The following WDR35 variants were observed in gnomAD, a reference collection of about 807,000 sequenced individuals.
The protein encoded by WDR35 is WD repeat domain 35.
Under a neutral mutation model 158.3 loss-of-function variants are expected in WDR35, and 118 were observed. That is an observed-to-expected ratio of 0.75 (90% CI 0.64 to 0.87). The LOEUF (loss-of-function observed/expected upper bound fraction) is 0.87, where lower values mean the gene tolerates loss of function less well. Ranked by LOEUF, WDR35 falls within the 40% of genes least tolerant of loss-of-function variation. The pLI is 0.00. For missense variants in WDR35, 1,263 were observed against 1,405.8 expected (o/e 0.90, Z 1.62); for synonymous variants, 448 against 476.1 (o/e 0.94, Z 0.77).
intron 14 of WDR35, 95 bp downstream of exon 14, chr2:19,948,069 C>T (rs1671111763): frequency 1.0e-6 from 1 of 982,156 alleles, no homozygotes; most frequent in African/African-American, 1.6e-5. Flanking sequence ...TCCCAAGTAA[C>T]TGTGATTACA....
chr2:19,949,253 A>T (rs1227650001), intron 13 of WDR35, among the ~76,000 whole-genome samples: 1 of 152,240 alleles, frequency 6.6e-6, no homozygotes, highest in African/African-American at 2.4e-5. Context: ...CACAGCTGGT[A>T]TCTGAGGAAT....
intron 8 of WDR35, among the ~76,000 whole-genome samples, chr2:19,972,746 G>A (rs1672070319): frequency 1.3e-5 from 2 of 151,794 alleles, no homozygotes; most frequent in South Asian, 2.1e-4. Flanking sequence ...AAAACAACTG[G>A]TATAGGCTTT....
chr2:19,938,089 T>G (rs559534197), intron 18 of WDR35, 143 bp from the exon 19 acceptor site: 2 of 1,373,596 alleles, frequency 1.5e-6, no homozygotes, highest in Non-Finnish European at 2.0e-6. Flanking sequence ...ATTTTTCAAA[T>G]AATTTTCTGC....
At chr2:19,962,153 A>G (rs1671684878) in intron 10 of WDR35, 1 of 830,394 alleles carries the variant, frequency 1.2e-6, no homozygotes, top group Non-Finnish European at 1.8e-6. Context: ...TAAAGTTTCT[A>G]TTTTTATTTT....
chr2:19,971,944 T>G (rs1347410509), intron 8 of WDR35, among the ~76,000 whole-genome samples: 3 of 152,188 alleles, frequency 2.0e-5, no homozygotes, highest in African/African-American at 7.2e-5. Flanking sequence ...TGAAAATAAC[T>G]AAACTGTGTC....
At chr2:19,932,522 C>CTTT in intron 22 of WDR35, 75 bp from the exon 23 acceptor site, 1 of 1,581,358 alleles carries the variant, frequency 6.3e-7, no homozygotes, top group Non-Finnish European at 8.6e-7. Flanking sequence ...CACAAGAAAG[C>CTTT]TTTAAGTTTA....
At chr2:19,985,145 C>A (rs1477416332) in intron 2 of WDR35, among the ~76,000 whole-genome samples, 1 of 152,218 alleles carries the variant, frequency 6.6e-6, no homozygotes, top group Non-Finnish European at 1.5e-5. Context: ...GCTTCCATGG[C>A]CCTATATACT....
Position 19,941,857 on chromosome 2 carries a change from A to T in WDR35, c.1846-18T>A, listed in dbSNP as rs780498523. 5.9e-6 allele frequency: 9 copies of T among 1,532,496 alleles called. No homozygotes were observed. The highest frequency in any genetic ancestry group is 8.0e-6 in the Non-Finnish European group (9 of 1,122,670). The allele number at this position is 1,532,496 out of a possible 1,614,324, so 94.9% of individuals were successfully genotyped here. On this transcript the variant is annotated intron_variant, in intron 16 of 26. Coordinates refer to ENST00000281405, the MANE Select transcript of WDR35 (RefSeq NM_020779.4). ...ATGGGTTCCTTTAAAGACAAAAAAA[A>T]AGTTATGTTTCATTATGCAAAATTT...
rs150516023 is a variant in WDR35, at chr2:19,987,908, G to A, written c.142+1257C>T. Among the ~76,000 whole-genome samples, 105 of 147,716 alleles carry A rather than the reference G, an allele frequency of 7.1e-4. 1 individual carries two copies. Among genetic ancestry groups the A allele is most frequent in the African/African-American group, 1.1e-3 (42 of 39,676 alleles). ...GACACACATATATATATATACACAC[G>A]TATATATATATCTATATACACATTT... On this transcript the variant is annotated intron_variant, in intron 2 of 26. Transcript: ENST00000281405.
intron 11 of WDR35, among the ~76,000 whole-genome samples, chr2:19,956,575 T>C (rs1197357269): frequency 1.3e-5 from 2 of 151,540 alleles, no homozygotes; most frequent in Non-Finnish European, 2.9e-5. Context: ...ATATAAATTA[T>C]AGCATAGCAC....
chr2:19,935,556 A>G lies in WDR35; in HGVS notation c.2462T>C (p.Leu821Ser). 1.2e-6 allele frequency: 2 copies of G among 1,613,228 alleles called. No individual in the cohort carries two copies. The highest frequency in any genetic ancestry group is 1.7e-6 in the Non-Finnish European group (2 of 1,179,624). ...YYVQGRNQERLAECYYMLEDY... is the reference protein window; with the variant it reads ...YYVQGRNQERSAECYYMLEDY... ...CTCTAACATATAGTAACATTCAGCT[A>G]AGCGTTCCTGGTTCCGTCCTTGTAC... The change falls in exon 21 of 27, where the codon TTA becomes TCA. Residue 821 changes from leucine (L) to serine (S), a missense_variant. By Grantham distance (145) the Leu-to-Ser change is moderately radical (BLOSUM62 -2). Transcript: ENST00000281405.
intron 7 of WDR35, 115 bp downstream of exon 7, chr2:19,974,353 G>A (rs1672133837): frequency 6.4e-6 from 7 of 1,101,148 alleles, no homozygotes; most frequent in Non-Finnish European, 8.9e-6. Flanking sequence ...AAGTTGCCGT[G>A]AGCCAAGATC....
chr2:19,953,854 A>G lies in WDR35; in HGVS notation c.1380T>C (p.Ser460=), dbSNP rs1389076287. 1.2e-6 allele frequency: 2 copies of G among 1,614,006 alleles called. No homozygotes were observed. The highest frequency in any genetic ancestry group is 1.7e-6 in the Non-Finnish European group (2 of 1,180,010). ...TALEINQITR[S]RKEGRERIYH... ...TATACCTTTCTCTCCCTTCTTTTCG[A>G]GACCGTGTGATCTGATTAATTTCCA... Residue 460 remains serine, a synonymous_variant, in exon 12 of 27, where the codon TCT becomes TCC. Coordinates refer to ENST00000281405, the MANE Select transcript of WDR35 (RefSeq NM_020779.4).
chr2:19,914,470 A>C (rs569113186), intron 25 of WDR35, among the ~76,000 whole-genome samples, 193 bp from the exon 26 acceptor site: 10 of 152,220 alleles, frequency 6.6e-5, no homozygotes, highest in Non-Finnish European at 1.3e-4. Flanking sequence ...GAAGCTGGCT[A>C]ACAGCTCATC....
At chr2:19,985,954 G>A (rs1020221816) in intron 2 of WDR35, among the ~76,000 whole-genome samples, 3 of 141,468 alleles carry the variant, frequency 2.1e-5, no homozygotes, top group Non-Finnish European at 4.6e-5. Context: ...TGTCAAGAAC[G>A]ACTAAGAGGA....
At chr2:19,919,811 A>G (rs1286338388) in intron 25 of WDR35, among the ~76,000 whole-genome samples, 7 of 152,188 alleles carry the variant, frequency 4.6e-5, no homozygotes, top group Admixed American at 3.9e-4. Flanking sequence ...TTTTTTGAAT[A>G]CAACAACAAA....
intron 2 of WDR35, among the ~76,000 whole-genome samples, chr2:19,987,823 CAA>C (rs34794090): frequency 2.6e-4 from 15 of 57,152 alleles, no homozygotes; most frequent in Admixed American, 9.2e-4. Context: ...AACTCTGTCT[CAA>C]AAAAAAAAAA....
intron 1 of WDR35, among the ~76,000 whole-genome samples, chr2:19,989,521 C>T (rs765316620): frequency 2.0e-5 from 3 of 152,146 alleles, no homozygotes; most frequent in Non-Finnish European, 2.9e-5. Flanking sequence ...GAAGCCAACG[C>T]CAGAGTCTCA....
At chr2:19,933,543 A>T in intron 21 of WDR35, 32 bp from the exon 22 acceptor site, 1 of 1,563,020 alleles carries the variant, frequency 6.4e-7, no homozygotes, top group South Asian at 1.1e-5. Flanking sequence ...ATCAGATTTC[A>T]CAGACCAAGG....
Sources: allele counts gnomAD v4.1 joint callset (sites outside exome capture counted in the v4.1 genomes callset), GRCh38; gene constraint gnomAD v4.1.1; transcripts MANE v1.5; gene names NCBI Gene and HGNC (gene_info 2026-07-23, HGNC 2026-07-21).